ABCA8: variants seen among roughly 807,000 people sequenced by gnomAD.
The protein encoded by ABCA8 is ABC-type organic anion transporter ABCA8.
In ABCA8, 177 loss-of-function variants were observed where a neutral mutation model predicts 192.3. The ratio of observed to expected loss-of-function variants is 0.92; its 90% CI spans 0.81 to 1.04. The LOEUF (loss-of-function observed/expected upper bound fraction) is 1.04, where lower values mean the gene tolerates loss of function less well. ABCA8 is among the 50% of genes least tolerant of loss of function. The pLI, the probability that ABCA8 is intolerant of heterozygous loss-of-function variation, is 0.00. For missense variants in ABCA8, 1,915 were observed against 1,904.8 expected (o/e 1.01, Z -0.10); for synonymous variants, 642 against 690.2 (o/e 0.93, Z 1.09).
At chr17:68,939,009 T>C (rs941843221) in intron 4 of ABCA8, among the ~76,000 whole-genome samples, 2 of 152,174 alleles carry the variant, frequency 1.3e-5, no homozygotes, top group Non-Finnish European at 2.9e-5. Context: ...CCCATATGAA[T>C]GTGGGTCCGA....
chr17:68,889,669 C>T (rs1387558179), intron 24 of ABCA8, among the ~76,000 whole-genome samples: 1 of 152,060 alleles, frequency 6.6e-6, no homozygotes. Context: ...CTGAAGTTTC[C>T]CATGATCCTT....
At chr17:68,871,371 T>C (rs1170679552) in intron 37 of ABCA8, among the ~76,000 whole-genome samples, 1 of 152,170 alleles carries the variant, frequency 6.6e-6, no homozygotes, top group African/African-American at 2.4e-5. Flanking sequence ...GTCCTACCTT[T>C]TAATACCATC....
intron 21 of ABCA8, among the ~76,000 whole-genome samples, chr17:68,901,601 A>C (rs2066914283): frequency 6.6e-6 from 1 of 152,034 alleles, no homozygotes; most frequent in South Asian, 2.1e-4. Context: ...AGGTCAAGAG[A>C]TCAAGACCAT....
At chr17:68,951,424 A>G (rs2068564987) in intron 1 of ABCA8, among the ~76,000 whole-genome samples, 1 of 152,232 alleles carries the variant, frequency 6.6e-6, no homozygotes, top group African/African-American at 2.4e-5. Context: ...TTCCACGTGC[A>G]CCTAACATAC....
chr17:68,935,515 T>C (rs1214794020), intron 5 of ABCA8, among the ~76,000 whole-genome samples: 1 of 137,300 alleles, frequency 7.3e-6, no homozygotes, highest in East Asian at 2.1e-4. Context: ...TTATCAATAT[T>C]TTAATTTATG....
chr17:68,884,620 A>AGAATC (rs2066416223), intron 27 of ABCA8: 3 of 1,224,718 alleles, frequency 2.4e-6, no homozygotes, highest in African/African-American at 3.1e-5. Context: ...ACCTGGCGAG[A>AGAATC]GAATCCTGGA....
chr17:68,918,760 T>C (rs2067454746), intron 14 of ABCA8, among the ~76,000 whole-genome samples: 1 of 151,730 alleles, frequency 6.6e-6, no homozygotes, highest in African/African-American at 2.4e-5. Context: ...GGCGAAACCT[T>C]GTTTCTACTA....
rs780359575 is a variant in ABCA8, at chr17:68,903,333, CT to C, written c.2564del (p.Lys855SerfsTer2). 1.2e-6 allele frequency: 2 copies of C among 1,614,180 alleles called. No homozygotes were observed. The highest frequency in any genetic ancestry group is 8.5e-7 in the Non-Finnish European group (1 of 1,180,020). On this transcript the variant is annotated frameshift_variant, in exon 20 of 40. Coordinates refer to ENST00000586539, the MANE Select transcript of ABCA8 (RefSeq NM_001288985.2). LOFTEE classifies it high-confidence loss of function. ...AAAGAGCTTTTCTTTCATGCTTTAACTTTAACAAGCGAACCCTTGCAATTGC... is the reference window on the plus strand; with the variant it reads ...AAAGAGCTTTTCTTTCATGCTTTAACTTAACAAGCGAACCCTTGCAATTGC... ...ICAIARVRLL[K>X]LKHERKALLA...
chr17:68,884,262 T>C (rs1339290537), intron 28 of ABCA8, 69 bp downstream of exon 28: 1 of 1,344,808 alleles, frequency 7.4e-7, no homozygotes, highest in African/African-American at 1.5e-5. Context: ...AGTTTCACAG[T>C]GTGTACAGAA....
intron 31 of ABCA8, 98 bp from the exon 32 acceptor site, chr17:68,881,309 A>C: frequency 1.1e-6 from 1 of 871,340 alleles, no homozygotes; most frequent in South Asian, 1.6e-5. Context: ...ATTTGCTATT[A>C]GTTGTCATTT....
At chr17:68,932,169 C>A (rs2067909772) in intron 7 of ABCA8, 119 bp downstream of exon 7, 1 of 724,470 alleles carries the variant, frequency 1.4e-6, no homozygotes, top group African/African-American at 1.8e-5. Flanking sequence ...GAGATCACGC[C>A]ACTGCACTCC....
chr17:68,941,868 G>T, intron 3 of ABCA8, 71 bp downstream of exon 3: 1 of 1,044,094 alleles, frequency 9.6e-7, no homozygotes. Flanking sequence ...GATACACATG[G>T]CATAGATAAC....
chr17:68,874,685 C>T lies in ABCA8; in HGVS notation c.4631+575G>A, dbSNP rs553080932. Among the ~76,000 whole-genome samples, 31 of 152,214 alleles carry T rather than the reference C, an allele frequency of 2.0e-4. 1 individual carries two copies. The highest frequency in any genetic ancestry group is 6.7e-4 in the African/African-American group (28 of 41,530). ...CCTTGTTATCATTTTTTTCACCTAA[C>T]TCCTAAATTATCTATCATCTGCTAT... On this transcript the variant is annotated intron_variant, in intron 37 of 39. Coordinates refer to ENST00000586539, the MANE Select transcript of ABCA8 (RefSeq NM_001288985.2).
chr17:68,897,399 C>A (rs778631355), intron 21 of ABCA8, among the ~76,000 whole-genome samples: 4 of 152,114 alleles, frequency 2.6e-5, no homozygotes, highest in Non-Finnish European at 5.9e-5. Context: ...AAAGTTGTTA[C>A]AATCTATTAC....
chr17:68,920,574 A>G (rs1431377562), intron 13 of ABCA8, among the ~76,000 whole-genome samples: 1 of 152,210 alleles, frequency 6.6e-6, no homozygotes. Flanking sequence ...CTTCCACAGA[A>G]TATTACTATT....
At chr17:68,919,661 G>A (rs1305004419) in intron 13 of ABCA8, 185 bp from the exon 14 acceptor site, 6 of 540,120 alleles carry the variant, frequency 1.1e-5, no homozygotes, top group African/African-American at 3.8e-5. Context: ...CCATCAAGGT[G>A]TAGTCCCTTT....
chr17:68,918,930 C>CAAAAAAAAAAAAAAAAAAAAAAAAA (rs34377045), intron 14 of ABCA8, among the ~76,000 whole-genome samples: 2 of 45,954 alleles, frequency 4.4e-5, no homozygotes, highest in Non-Finnish European at 9.0e-5. Flanking sequence ...AACTCTGTCT[C>CAAAAAAAAAAAAAAAAAAAAAAAAA]AAAAAAAAAA....
rs544548569 is a variant in ABCA8 at position 68,917,168 on chromosome 17, G to C, written c.2138+193C>G. On this transcript the variant is annotated intron_variant, in intron 17 of 39. Coordinates refer to ENST00000586539, the MANE Select transcript of ABCA8 (RefSeq NM_001288985.2). The stretch of plus-strand genomic sequence containing the variant: ...CCCATGTAGTCCCAGCTACTCGGGA[G>C]GCTGAGGCAGGAGAATGGAGTGAAC... 2.7e-3 allele frequency among the ~76,000 whole-genome samples: 413 copies of C among 152,280 alleles called. 1 individual carries two copies. The highest frequency in any genetic ancestry group is 9.5e-3 in the African/African-American group (393 of 41,564).
chr17:68,892,550 T>C (rs1489048395), intron 23 of ABCA8, among the ~76,000 whole-genome samples: 2 of 152,248 alleles, frequency 1.3e-5, no homozygotes, highest in Non-Finnish European at 2.9e-5. Flanking sequence ...AGCTGGTTGG[T>C]ATCTAATTAA....
Sources: allele counts gnomAD v4.1 joint callset (sites outside exome capture counted in the v4.1 genomes callset), GRCh38; gene constraint gnomAD v4.1.1; transcripts MANE v1.5; gene names NCBI Gene and HGNC (gene_info 2026-07-23, HGNC 2026-07-21).